NUBPL: variants seen among roughly 807,000 people sequenced by gnomAD.
NUBPL encodes the protein iron-sulfur cluster transfer protein NUBPL.
In NUBPL, 31 loss-of-function variants were observed where a neutral mutation model predicts 45.7. That is an observed-to-expected ratio of 0.68 (90% CI 0.51 to 0.92). The LOEUF (loss-of-function observed/expected upper bound fraction) is 0.92. Among genes scored for constraint, NUBPL ranks in the 40% least tolerant of loss-of-function variants. NUBPL has a pLI of 0.00. For synonymous variants in NUBPL, 144 were observed against 140.9 expected (o/e 1.02, Z -0.15); for missense variants, 401 against 398.7 (o/e 1.01, Z -0.05).
rs1566603021 is a variant in NUBPL at position 31,859,417 on chromosome 14, G to A, written c.*237G>A. ...TGGTGTGTACCACCTGCAAAGAACT[G>A]CATTTTATTTTATTGAATTACCCCT... On this transcript the variant is annotated 3_prime_UTR_variant, in exon 11 of 11. Transcript: ENST00000281081. The A allele has an allele frequency of 5.7e-6, 3 of 527,218 alleles. No homozygotes were observed. The highest frequency in any genetic ancestry group is 6.7e-5 in the East Asian group (2 of 30,050). The allele number at this position is 527,218 out of a possible 1,614,324, so 32.7% of individuals were successfully genotyped here.
At chr14:31,671,317 G>A (rs754105943) in intron 4 of NUBPL, among the ~76,000 whole-genome samples, 27 of 152,104 alleles carry the variant, frequency 1.8e-4, no homozygotes, top group Non-Finnish European at 3.7e-4. Flanking sequence ...TGACTATTGC[G>A]AATAGTGCTG....
chr14:31,805,460 G>A (rs955827759), intron 7 of NUBPL, among the ~76,000 whole-genome samples: 8 of 152,170 alleles, frequency 5.3e-5, no homozygotes, highest in African/African-American at 1.9e-4. Context: ...AAAGACACAT[G>A]CACGTGTACA....
intron 6 of NUBPL, chr14:31,714,702 T>C (rs557235411): frequency 3.3e-5 from 5 of 152,318 alleles, no homozygotes; most frequent in South Asian, 4.2e-4. Context: ...ACTTCCAACA[T>C]TGGGAATCAC....
At position 31,591,464 on chromosome 14, in the gene NUBPL, A is replaced by G. The variant is rs193109478; in HGVS notation, c.292-7825A>G. 5.1e-4 allele frequency among the ~76,000 whole-genome samples: 77 copies of G among 152,138 alleles called. 1 individual carries two copies. In the East Asian group the frequency reaches 0.014, roughly 29 times the overall value. ...GGCATGAGCCACTGCGCCCAGCCAT[A>G]TTTTTTAATAAAGCCACCATAGAAC... On this transcript the variant is annotated intron_variant, in intron 3 of 10. Transcript: ENST00000281081.
At chr14:31,667,047 G>C (rs1465931318) in intron 4 of NUBPL, among the ~76,000 whole-genome samples, 1 of 151,892 alleles carries the variant, frequency 6.6e-6, no homozygotes, top group Non-Finnish European at 1.5e-5. Flanking sequence ...TACTCTTCTC[G>C]AGGATTATCT....
chr14:31,561,460 G>T lies in NUBPL; in HGVS notation c.21G>T (p.Leu7=). 1 of 1,420,666 alleles carries T rather than the reference G, an allele frequency of 7.0e-7. No individual in the cohort carries two copies. The highest frequency in any genetic ancestry group is 1.7e-5 in the South Asian group (1 of 59,502). The allele number at this position is 1,420,666 out of a possible 1,614,324, so 88.0% of individuals were successfully genotyped here. A position where few individuals can be genotyped will look rare whatever the true frequency, so the allele number is the denominator to read the frequency against. The stretch of plus-strand genomic sequence containing the variant: ...GCGTCATGGGGATTTGGCAGCGTCT[G>T]CTGCTTTTTGGTGGGGTGTCGCTCC... The part of the protein sequence containing the change: MGIWQR[L]LLFGGVSLRA... The change falls in exon 1 of 11, where the codon CTG becomes CTT. Residue 7 remains leucine, a synonymous_variant. Transcript: ENST00000281081.
rs1012043214 is a variant in NUBPL at position 31,767,945 on chromosome 14, C to A, written c.514-19835C>A. 6.6e-6 allele frequency among the ~76,000 whole-genome samples: 1 copy of A among 152,146 alleles called. No individual in the cohort carries two copies. Among genetic ancestry groups the A allele is most frequent in the Non-Finnish European group, 1.5e-5 (1 of 68,030 alleles). On this transcript the variant is annotated intron_variant, in intron 6 of 10. Coordinates refer to ENST00000281081, the MANE Select transcript of NUBPL (RefSeq NM_025152.3). Reference sequence around the variant, plus strand: ...CACCTGGCATACTGCTTAGCTAACTCCCTGAATATTCATGTTTCAACAGTG... The same window carrying A: ...CACCTGGCATACTGCTTAGCTAACTACCTGAATATTCATGTTTCAACAGTG...
intron 6 of NUBPL, among the ~76,000 whole-genome samples, chr14:31,710,671 G>A (rs568114235): frequency 5.1e-4 from 77 of 152,276 alleles, no homozygotes; most frequent in African/African-American, 1.8e-3. Context: ...TATGCCCCCA[G>A]AATGAAGTGG....
At chr14:31,562,400 T>C (rs560685009) in intron 2 of NUBPL, among the ~76,000 whole-genome samples, 185 bp downstream of exon 2, 55 of 152,298 alleles carry the variant, frequency 3.6e-4, no homozygotes, top group African/African-American at 1.3e-3. Flanking sequence ...AAGTAGGTAC[T>C]AGCCGGGTCT....
At chr14:31,643,797 CTCTT>C (rs2035771455) in intron 4 of NUBPL, among the ~76,000 whole-genome samples, 1 of 151,804 alleles carries the variant, frequency 6.6e-6, no homozygotes. Context: ...TGGTGGGAGA[CTCTT>C]TATTATGGCA....
At chr14:31,616,997 T>G (rs988384366) in intron 4 of NUBPL, among the ~76,000 whole-genome samples, 3 of 152,190 alleles carry the variant, frequency 2.0e-5, no homozygotes, top group Non-Finnish European at 4.4e-5. Flanking sequence ...ATGTCCCTTG[T>G]AAGTTGTATT....
At chr14:31,650,039 A>G (rs1476474003) in intron 4 of NUBPL, among the ~76,000 whole-genome samples, 1 of 151,436 alleles carries the variant, frequency 6.6e-6, no homozygotes, top group Non-Finnish European at 1.5e-5. Context: ...TTGTATTTTT[A>G]GTAGAGATGG....
At chr14:31,838,611 T>C (rs1374912694) in intron 8 of NUBPL, among the ~76,000 whole-genome samples, 1 of 152,180 alleles carries the variant, frequency 6.6e-6, no homozygotes. Flanking sequence ...TTCTGGGGTG[T>C]TGGCAACATT....
intron 6 of NUBPL, among the ~76,000 whole-genome samples, chr14:31,709,461 C>T (rs11621446): frequency 0.3 from 44,938 of 152,110 alleles, 7,503 homozygotes; most frequent in South Asian, 0.41. Flanking sequence ...GCTTGCTGAC[C>T]GTTAGGGATT....
chr14:31,662,385 G>A (rs180722285), intron 4 of NUBPL, among the ~76,000 whole-genome samples: 56 of 151,872 alleles, frequency 3.7e-4, no homozygotes, highest in African/African-American at 1.2e-3. Flanking sequence ...GTGCCATGGC[G>A]GTTTGCTGCA....
At chr14:31,744,825 T>G (rs2038361233) in intron 6 of NUBPL, among the ~76,000 whole-genome samples, 1 of 151,842 alleles carries the variant, frequency 6.6e-6, no homozygotes, top group African/African-American at 2.4e-5. Context: ...TTTCACCATG[T>G]TGGTCAGGCT....
chr14:31,568,806 G>A (rs901646551), intron 3 of NUBPL, among the ~76,000 whole-genome samples: 3 of 152,118 alleles, frequency 2.0e-5, no homozygotes, highest in Admixed American at 2.0e-4. Flanking sequence ...TAGGCCTAGG[G>A]GAAACAGGTC....
intron 3 of NUBPL, among the ~76,000 whole-genome samples, chr14:31,579,957 G>A (rs1368459085): frequency 2.6e-5 from 4 of 152,234 alleles, no homozygotes; most frequent in Non-Finnish European, 4.4e-5. Flanking sequence ...TGAAGGATTT[G>A]TTCCATTTTC....
At chr14:31,702,334 T>C (rs2037358797) in intron 6 of NUBPL, among the ~76,000 whole-genome samples, 1 of 152,188 alleles carries the variant, frequency 6.6e-6, no homozygotes, top group Non-Finnish European at 1.5e-5. Flanking sequence ...AGGGGCATGA[T>C]TGATTGTCCA....
Sources: allele counts gnomAD v4.1 joint callset (sites outside exome capture counted in the v4.1 genomes callset), GRCh38; gene constraint gnomAD v4.1.1; transcripts MANE v1.5; gene names NCBI Gene and HGNC (gene_info 2026-07-23, HGNC 2026-07-21).